Variants in PSD3 observed in about 807,000 individuals in gnomAD.
PSD3 encodes PH and SEC7 domain-containing protein 3.
A neutral mutation model predicts 105.5 loss-of-function variants in PSD3; 49 were observed. The ratio of observed to expected loss-of-function variants is 0.46; its 90% CI spans 0.37 to 0.59. The LOEUF (loss-of-function observed/expected upper bound fraction) is 0.59, where lower values mean the gene tolerates loss of function less well. PSD3 is among the 20% of genes least tolerant of loss of function. The pLI is 0.00. For missense variants in PSD3, 1,561 were observed against 1,263.8 expected (o/e 1.24, Z -3.57); for synonymous variants, 557 against 457.8 (o/e 1.22, Z -2.77).
chr8:18,758,716 C>T (rs1806265129), intron 9 of PSD3, among the ~76,000 whole-genome samples: 1 of 151,828 alleles, frequency 6.6e-6, no homozygotes, highest in African/African-American at 2.4e-5. Context: ...TAAATTCTAC[C>T]TTCTTGGCTA....
chr8:18,790,718 G>C (rs1167859361), intron 8 of PSD3, among the ~76,000 whole-genome samples: 1 of 152,038 alleles, frequency 6.6e-6, no homozygotes, highest in Non-Finnish European at 1.5e-5. Flanking sequence ...GGCCCCACTA[G>C]AAACCCTCTG....
At chr8:18,560,373 C>T (rs190562800) in intron 14 of PSD3, among the ~76,000 whole-genome samples, 2 of 152,174 alleles carry the variant, frequency 1.3e-5, no homozygotes, top group Admixed American at 6.5e-5. Context: ...TTTATTCCCC[C>T]ACCTTTTGTC....
intron 12 of PSD3, among the ~76,000 whole-genome samples, chr8:18,593,308 G>A (rs1441912338): frequency 2.0e-5 from 3 of 152,146 alleles, no homozygotes; most frequent in Non-Finnish European, 4.4e-5. Context: ...CAAAGAGTGG[G>A]TGAAGGATAT....
rs71217402 is a variant in PSD3, at chr8:18,821,684, A to ACACACACAC, written c.1635-16787_1635-16786insGTGTGTGTG. Among the ~76,000 whole-genome samples, 52 of 131,396 alleles carry ACACACACAC rather than the reference A, an allele frequency of 4.0e-4. No individual in the cohort carries two copies. The South Asian group carries it at 0.014, about 34-fold the overall frequency. 86.2% of individuals were successfully genotyped at this position (131,396 alleles called of 152,430 possible). On this transcript the variant is annotated intron_variant, in intron 4 of 15. Coordinates refer to ENST00000327040, the MANE Select transcript of PSD3 (RefSeq NM_015310.4). Reference sequence around the variant, plus strand: ...TTAATTCCAAAATTTTGACCCCCACAACACACACACACACACACACACACA... The same window carrying ACACACACAC: ...TTAATTCCAAAATTTTGACCCCCACACACACACACACACACACACACACACACACACACA...
intron 2 of PSD3, among the ~76,000 whole-genome samples, chr8:18,894,456 T>C (rs758179968): frequency 2.0e-5 from 3 of 152,172 alleles, no homozygotes; most frequent in Non-Finnish European, 4.4e-5. Flanking sequence ...CACAGTTCCG[T>C]TGTGTGAGAA....
chr8:18,903,734 G>A (rs1021168805), intron 2 of PSD3, among the ~76,000 whole-genome samples: 1 of 152,162 alleles, frequency 6.6e-6, no homozygotes, highest in East Asian at 1.9e-4. Flanking sequence ...GATGGCCCAG[G>A]CACAGTTTCC....
intron 7 of PSD3, 84 bp from the exon 8 acceptor site, chr8:18,799,437 A>C: frequency 1.9e-6 from 2 of 1,076,152 alleles, no homozygotes; most frequent in Non-Finnish European, 2.9e-6. Flanking sequence ...GGATACACTC[A>C]GAACCTATGA....
At chr8:19,018,850 G>A (rs1827263409) in intron 1 of PSD3, among the ~76,000 whole-genome samples, 1 of 152,158 alleles carries the variant, frequency 6.6e-6, no homozygotes, top group African/African-American at 2.4e-5. Context: ...AGTCTGGAGT[G>A]CAGTGGCTCA....
intron 1 of PSD3, chr8:19,001,920 G>A (rs1484185780): frequency 9.1e-5 from 17 of 186,202 alleles, no homozygotes. Context: ...CTGAATATGT[G>A]AAAGCCAGCA....
intron 2 of PSD3, among the ~76,000 whole-genome samples, chr8:18,877,935 C>T (rs1245215410): frequency 3.3e-5 from 5 of 152,162 alleles, no homozygotes; most frequent in Admixed American, 2.0e-4. Flanking sequence ...CAACCTTGTT[C>T]TTCCTTTTTC....
chr8:18,856,104 C>T (rs749147345), intron 4 of PSD3, among the ~76,000 whole-genome samples: 14 of 152,156 alleles, frequency 9.2e-5, no homozygotes, highest in Non-Finnish European at 1.9e-4. Context: ...TTCTCTCTGG[C>T]ATGTCACCCT....
intron 2 of PSD3, among the ~76,000 whole-genome samples, chr8:18,905,308 C>T (rs1819768740): frequency 6.6e-6 from 1 of 152,164 alleles, no homozygotes; most frequent in Non-Finnish European, 1.5e-5. Context: ...CACCAACTCT[C>T]AGTGACTTCT....
Position 18,752,555 on chromosome 8 carries a change from A to AT in PSD3, c.2172+12893dup, listed in dbSNP as rs1219553317. On this transcript the variant is annotated intron_variant, in intron 9 of 15. Coordinates refer to ENST00000327040, the MANE Select transcript of PSD3 (RefSeq NM_015310.4). The stretch of plus-strand genomic sequence containing the variant: ...TTATATATTATATATATTATATATA[A>AT]TTATATATATTATATATATAATTAT... Among the ~76,000 whole-genome samples, 18 of 5,580 alleles carry AT rather than the reference A, an allele frequency of 3.2e-3. 1 individual carries two copies. The highest frequency in any genetic ancestry group is 0.023 in the South Asian group (8 of 346). The allele number at this position is 5,580 out of a possible 152,430, so 3.7% of individuals were successfully genotyped here. A position where few individuals can be genotyped will look rare whatever the true frequency, so the allele number is the denominator to read the frequency against.
At chr8:18,761,858 A>G (rs1477108982) in intron 9 of PSD3, among the ~76,000 whole-genome samples, 1 of 152,202 alleles carries the variant, frequency 6.6e-6, no homozygotes, top group African/African-American at 2.4e-5. Flanking sequence ...AGAAACTTGT[A>G]AGACAGTAGC....
chr8:18,822,587 C>G (rs1586134638), intron 4 of PSD3, among the ~76,000 whole-genome samples: 1 of 152,242 alleles, frequency 6.6e-6, no homozygotes, highest in Non-Finnish European at 1.5e-5. Flanking sequence ...ACGCCAATAT[C>G]TCCCTAGCGA....
At chr8:18,627,342 T>C (rs1259758677) in intron 11 of PSD3, among the ~76,000 whole-genome samples, 1 of 151,882 alleles carries the variant, frequency 6.6e-6, no homozygotes, top group African/African-American at 2.4e-5. Context: ...AGGGGAGAGT[T>C]ACAAAAACAG....
At chr8:19,074,706 C>T (rs141697403) in intron 1 of PSD3, among the ~76,000 whole-genome samples, 12,384 of 145,944 alleles carry the variant, frequency 0.085, 658 homozygotes, top group Middle Eastern at 0.16. Flanking sequence ...CCGCAAGCTC[C>T]GCCTCCCGGG....
chr8:18,682,111 T>G (rs970639275), intron 9 of PSD3, among the ~76,000 whole-genome samples: 1 of 152,234 alleles, frequency 6.6e-6, no homozygotes, highest in South Asian at 2.1e-4. Context: ...TCTTTTCATG[T>G]GGTATCTATG....
chr8:18,771,824 C>G (rs1050226336), intron 8 of PSD3, among the ~76,000 whole-genome samples: 3 of 152,184 alleles, frequency 2.0e-5, no homozygotes, highest in African/African-American at 7.2e-5. Flanking sequence ...TGTTGTGGAA[C>G]AGAATTCCAA....
Sources: allele counts gnomAD v4.1 joint callset (sites outside exome capture counted in the v4.1 genomes callset), GRCh38; gene constraint gnomAD v4.1.1; transcripts MANE v1.5; gene names NCBI Gene and HGNC (gene_info 2026-07-23, HGNC 2026-07-21).